Variants in DMD observed in about 807,000 individuals in gnomAD.
DMD encodes dystrophin.
A neutral mutation model predicts 330.1 loss-of-function variants in DMD; 63 were observed. That is an observed-to-expected ratio of 0.19 (90% CI 0.16 to 0.24). The LOEUF (loss-of-function observed/expected upper bound fraction) is 0.24. Ranked by LOEUF, DMD falls within the 10% of genes least tolerant of loss-of-function variation. The pLI, the probability that DMD is intolerant of heterozygous loss-of-function variation, is 1.00. For missense variants in DMD, 3,344 were observed against 2,684.1 expected, an observed-to-expected ratio of 1.25 and a Z score of -5.43; for synonymous variants, 1,223 against 959.8, an observed-to-expected ratio of 1.27 and a Z score of -5.07.
intron 65 of DMD, among the ~76,000 whole-genome samples, chrX:31,209,159 T>C (rs183879369): frequency 9.0e-6 from 1 of 110,928 alleles, no homozygotes; most frequent in Non-Finnish European, 1.9e-5. Flanking sequence ...TGGCCGCCAG[T>C]GAGAGGAAGC....
At chrX:32,128,330 T>C (rs1958727666) in intron 44 of DMD, among the ~76,000 whole-genome samples, 1 of 111,617 alleles carries the variant, frequency 9.0e-6, no homozygotes, top group Admixed American at 9.5e-5. Flanking sequence ...AAGAGAAAAA[T>C]CCAGTAAAAT....
intron 44 of DMD, among the ~76,000 whole-genome samples, chrX:32,168,794 T>C (rs139879083): frequency 0.012 from 1,343 of 111,708 alleles, 25 homozygotes; most frequent in African/African-American, 0.042. Context: ...TGCATGAATA[T>C]GCCAGTACCA....
At chrX:32,402,890 T>C (rs1256530694) in intron 30 of DMD, among the ~76,000 whole-genome samples, 1 of 111,676 alleles carries the variant, frequency 9.0e-6, no homozygotes, top group African/African-American at 3.2e-5. Context: ...TTTGGTGCTA[T>C]CTAATGAGTG....
chrX:31,772,782 T>C (rs2090421576), intron 51 of DMD, among the ~76,000 whole-genome samples: 1 of 112,042 alleles, frequency 8.9e-6, no homozygotes, highest in Non-Finnish European at 1.9e-5. Flanking sequence ...ATAATTACTT[T>C]TTTTAAAGCA....
At chrX:32,869,215 C>CA (rs1323820165) in intron 2 of DMD, among the ~76,000 whole-genome samples, 15 of 110,744 alleles carry the variant, frequency 1.4e-4, no homozygotes, top group Admixed American at 4.8e-4. Flanking sequence ...ACAGCATCAA[C>CA]AAAAAAAATC....
At position 33,018,107 on chromosome X, in the gene DMD, T is replaced by A. The variant is rs758329828; in HGVS notation, c.93+2032A>T. Among the ~76,000 whole-genome samples, 91 of 111,921 alleles carry A rather than the reference T, an allele frequency of 8.1e-4. 1 individual carries two copies. The highest frequency in any genetic ancestry group is 2.8e-3 in the African/African-American group (86 of 30,945). On this transcript the variant is annotated intron_variant, in intron 2 of 78. Coordinates refer to ENST00000357033, the MANE Select transcript of DMD (RefSeq NM_004006.3). ...AAAGATTCTTTGCAAGTTCTCAAAATTAGAAGTTAGTGCACAGGTATATAT... is the reference window on the plus strand; with the variant it reads ...AAAGATTCTTTGCAAGTTCTCAAAAATAGAAGTTAGTGCACAGGTATATAT...
Position 31,639,642 on chromosome X carries a change from C to T in DMD, c.8028-11780G>A, listed in dbSNP as rs189462931. Reference sequence around the variant, plus strand: ...TTTGTTTATACTGCATTGATAGTCTCGTGATCTAAAAACTTCACTTGTGTT... The same window carrying T: ...TTTGTTTATACTGCATTGATAGTCTTGTGATCTAAAAACTTCACTTGTGTT... On this transcript the variant is annotated intron_variant, in intron 54 of 78. Coordinates refer to ENST00000357033, the MANE Select transcript of DMD (RefSeq NM_004006.3). Among the ~76,000 whole-genome samples the T allele has an allele frequency of 2.1e-4, 23 of 111,713 alleles. 1 individual carries two copies. Among genetic ancestry groups the T allele is most frequent in the African/African-American group, 6.8e-4 (21 of 30,770 alleles).
chrX:32,651,988 A>G (rs2060190349), intron 9 of DMD, among the ~76,000 whole-genome samples: 1 of 111,514 alleles, frequency 9.0e-6, no homozygotes, highest in African/African-American at 3.3e-5. Context: ...TCACTATTGC[A>G]GAACCACTCA....
At chrX:32,716,231 T>C (rs1209514305) in intron 7 of DMD, among the ~76,000 whole-genome samples, 3 of 110,925 alleles carry the variant, frequency 2.7e-5, no homozygotes, top group South Asian at 7.7e-4. Flanking sequence ...TGTTCCCCAG[T>C]GTTGGAGGAG....
At chrX:31,921,953 T>C (rs1396541658) in intron 47 of DMD, among the ~76,000 whole-genome samples, 1 of 111,975 alleles carries the variant, frequency 8.9e-6, no homozygotes, top group Non-Finnish European at 1.9e-5. Context: ...TTATAGTACA[T>C]ACTGGTTTCT....
intron 30 of DMD, among the ~76,000 whole-genome samples, chrX:32,394,920 A>ACAAAAC (rs375583538): frequency 3.3e-5 from 2 of 60,397 alleles, no homozygotes; most frequent in Admixed American, 2.2e-4. Context: ...AAAAAACAAA[A>ACAAAAC]AAAAAAAAAA....
intron 59 of DMD, among the ~76,000 whole-genome samples, chrX:31,470,332 G>A (rs1486154658): frequency 1.8e-5 from 2 of 111,576 alleles, no homozygotes; most frequent in East Asian, 5.7e-4. Context: ...GGTCTTTGAT[G>A]TTGGTGACCT....
intron 57 of DMD, among the ~76,000 whole-genome samples, chrX:31,489,634 A>G (rs878964251): frequency 8.9e-6 from 1 of 112,348 alleles, no homozygotes; most frequent in Non-Finnish European, 1.9e-5. Context: ...GTTCCCTAAC[A>G]TATGCTTAAC....
Position 32,411,783 on chromosome X carries a change from A to G in DMD, c.4202T>C (p.Val1401Ala), listed in dbSNP as rs751046843. ...TTCCTGAGGCATTTGAGCTGCGTCC[A>G]CCTTGTCTGCAATATAAGCTGCCAA... ...KQLAAYIADKVDAAQMPQEAQ... is the reference protein window; with the variant it reads ...KQLAAYIADKADAAQMPQEAQ... Residue 1401 changes from valine to alanine, a missense_variant, in exon 30 of 79, where the codon GTG (valine) becomes GCG (alanine). By Grantham distance (64) the Val-to-Ala change is moderately conservative (BLOSUM62 0). Transcript: ENST00000357033. 1.7e-6 allele frequency: 2 copies of G among 1,211,511 alleles called. No individual in the cohort carries two copies. Among genetic ancestry groups the G allele is most frequent in the Admixed American group, 4.3e-5 (2 of 45,988 alleles).
rs774234303 is a variant in DMD at position 32,447,110 on chromosome X, A to G, written c.3786+1346T>C. Among the ~76,000 whole-genome samples the G allele has an allele frequency of 6.3e-5, 7 of 111,095 alleles. No individual in the cohort carries two copies. The South Asian group carries it at 2.6e-3, about 41-fold the overall frequency. On this transcript the variant is annotated intron_variant, in intron 27 of 78. Coordinates refer to ENST00000357033, the MANE Select transcript of DMD (RefSeq NM_004006.3). ...ATGCTTATTTAAGGACATTAAGAAC[A>G]TAAGAAAGTAATAGTAGGTGTTTTA...
intron 44 of DMD, among the ~76,000 whole-genome samples, chrX:31,997,885 T>G (rs1340358262): frequency 1.8e-5 from 2 of 111,761 alleles, no homozygotes; most frequent in African/African-American, 6.5e-5. Context: ...GTTTATATCA[T>G]AAGAGCGTAT....
intron 41 of DMD, among the ~76,000 whole-genome samples, chrX:32,318,002 C>A (rs961692972): frequency 1.8e-5 from 2 of 110,778 alleles, no homozygotes; most frequent in African/African-American, 6.5e-5. Flanking sequence ...AAGGGACATT[C>A]TTAAATATTA....
At chrX:32,799,860 C>T (rs1324934069) in intron 7 of DMD, among the ~76,000 whole-genome samples, 1 of 111,121 alleles carries the variant, frequency 9.0e-6, no homozygotes, top group Non-Finnish European at 1.9e-5. Context: ...AGAAACAGCT[C>T]CTGAAATCGC....
At chrX:32,801,286 CT>C (rs764865615) in intron 7 of DMD, among the ~76,000 whole-genome samples, 1 of 111,606 alleles carries the variant, frequency 9.0e-6, no homozygotes, top group East Asian at 2.8e-4. Flanking sequence ...TGATGATGAA[CT>C]TTTTTTTCAC....
Sources: allele counts gnomAD v4.1 joint callset (sites outside exome capture counted in the v4.1 genomes callset), GRCh38; gene constraint gnomAD v4.1.1; transcripts MANE v1.5; gene names NCBI Gene and HGNC (gene_info 2026-07-23, HGNC 2026-07-21).